The following KCNH7 variants were observed in gnomAD, a reference collection of about 807,000 sequenced individuals.
The protein encoded by KCNH7 is potassium voltage-gated channel subfamily H member 7, also known as voltage-gated inwardly rectifying potassium channel KCNH7.
A neutral mutation model predicts 120.8 loss-of-function variants in KCNH7; 49 were observed. The ratio of observed to expected loss-of-function variants is 0.41; its 90% CI spans 0.32 to 0.51. The LOEUF is 0.51. Ranked by LOEUF, KCNH7 falls within the 20% of genes least tolerant of loss-of-function variation. The pLI, the probability that KCNH7 is intolerant of heterozygous loss-of-function variation, is 0.38. For synonymous variants in KCNH7, 547 were observed against 516.1 expected (o/e 1.06, Z -0.81); for missense variants, 1,097 against 1,446.6 (o/e 0.76, Z 3.92).
chr2:162,372,078 G>A lies in KCNH7; in HGVS notation c.3342C>T (p.Asp1114=), dbSNP rs1267937100. Residue 1114 remains aspartate, a synonymous_variant, in exon 16 of 16, where the codon GAC becomes GAT. Coordinates refer to ENST00000332142, the MANE Select transcript of KCNH7 (RefSeq NM_033272.4). ...TGGATTTAAGTTTAGATTTTTCAAG[G>A]TCTAGAAATTCAGGACACTGATGGA... ...SPSSQCPEFL[D]LEKSKLKSKE... 1.7e-5 allele frequency: 27 copies of A among 1,611,370 alleles called. No homozygotes were observed. The highest frequency in any genetic ancestry group is 2.2e-5 in the Non-Finnish European group (26 of 1,178,058).
chr2:162,472,965 G>T (rs548144528), intron 6 of KCNH7, among the ~76,000 whole-genome samples: 4 of 151,968 alleles, frequency 2.6e-5, no homozygotes, highest in Non-Finnish European at 5.9e-5. Flanking sequence ...GCAAAGTATC[G>T]CAAGGACAAA....
At chr2:162,634,841 T>C (rs1327323835) in intron 2 of KCNH7, among the ~76,000 whole-genome samples, 1 of 152,062 alleles carries the variant, frequency 6.6e-6, no homozygotes, top group Non-Finnish European at 1.5e-5. Context: ...GGTTTCTTGA[T>C]GAAAGATGAC....
At chr2:162,728,757 A>G (rs1003182269) in intron 2 of KCNH7, among the ~76,000 whole-genome samples, 1 of 152,314 alleles carries the variant, frequency 6.6e-6, no homozygotes, top group South Asian at 2.1e-4. Context: ...CAGCCTGGGC[A>G]ACAAGAGTGA....
intron 2 of KCNH7, among the ~76,000 whole-genome samples, chr2:162,690,625 T>C (rs1233461720): frequency 6.6e-6 from 1 of 152,272 alleles, no homozygotes; most frequent in East Asian, 1.9e-4. Flanking sequence ...AGCATTACTA[T>C]CTTATTTACA....
chr2:162,518,162 T>C lies in KCNH7; in HGVS notation c.464-4A>G. ...AATTTGAACCCAAAAAATTTCCCTATAAATGGAGACAGGAGAGAGCATTAT... is the reference window on the plus strand; with the variant it reads ...AATTTGAACCCAAAAAATTTCCCTACAAATGGAGACAGGAGAGAGCATTAT... On this transcript the variant is annotated splice_polypyrimidine_tract_variant and splice_region_variant and intron_variant, in intron 3 of 15. Coordinates refer to ENST00000332142, the MANE Select transcript of KCNH7 (RefSeq NM_033272.4). The C allele has an allele frequency of 6.2e-7, 1 of 1,604,206 alleles. No individual in the cohort carries two copies. The highest frequency in any genetic ancestry group is 1.3e-5 in the African/African-American group (1 of 74,480).
At chr2:162,804,860 G>C (rs1684484391) in intron 2 of KCNH7, among the ~76,000 whole-genome samples, 2 of 150,526 alleles carry the variant, frequency 1.3e-5, no homozygotes, top group Admixed American at 1.3e-4. Flanking sequence ...TATACTACAA[G>C]GCCGTATTTA....
chr2:162,398,535 T>G (rs1686981742), intron 10 of KCNH7, among the ~76,000 whole-genome samples: 1 of 151,856 alleles, frequency 6.6e-6, no homozygotes, highest in Middle Eastern at 3.2e-3. Context: ...TTCTTTATAG[T>G]TTTGGTAGCT....
At chr2:162,812,075 CAT>C (rs1205196343) in intron 2 of KCNH7, among the ~76,000 whole-genome samples, 9 of 152,036 alleles carry the variant, frequency 5.9e-5, no homozygotes, top group Non-Finnish European at 1.3e-4. Flanking sequence ...TGTGTGAGCA[CAT>C]GTGCACACAC....
At chr2:162,477,707 A>C (rs1689792752) in intron 6 of KCNH7, among the ~76,000 whole-genome samples, 2 of 152,198 alleles carry the variant, frequency 1.3e-5, no homozygotes, top group Non-Finnish European at 2.9e-5. Context: ...CCCCTCTTAA[A>C]AGCCAAATGC....
chr2:162,833,226 T>C (rs1255812499), intron 2 of KCNH7, among the ~76,000 whole-genome samples: 1 of 152,110 alleles, frequency 6.6e-6, no homozygotes, highest in Non-Finnish European at 1.5e-5. Context: ...GCTAGCTCTC[T>C]TCCGTGATGT....
At chr2:162,838,339 G>C in intron 1 of KCNH7, 104 bp downstream of exon 1, 2 of 891,158 alleles carry the variant, frequency 2.2e-6, no homozygotes, top group Non-Finnish European at 3.7e-6. Context: ...CTCTTAAGTT[G>C]ACAGAGCCTG....
In KCNH7 at chr2:162,616,500, T is replaced by C. The variant is rs1397616125; in HGVS notation, c.308-79420A>G. Reference sequence around the variant, plus strand: ...CTTTGGCCAAGTATCACTTTTAACTTTCTGGGTCTTTGTTCCTCATCTGTA... The same window carrying C: ...CTTTGGCCAAGTATCACTTTTAACTCTCTGGGTCTTTGTTCCTCATCTGTA... On this transcript the variant is annotated intron_variant, in intron 2 of 15. Transcript: ENST00000332142. Among the ~76,000 whole-genome samples, 3 of 152,204 alleles carry C rather than the reference T, an allele frequency of 2.0e-5. No individual in the cohort carries two copies. In the East Asian group the frequency reaches 5.8e-4, roughly 29 times the overall value.
intron 2 of KCNH7, among the ~76,000 whole-genome samples, chr2:162,765,067 G>A (rs1682734003): frequency 6.6e-6 from 1 of 152,108 alleles, no homozygotes; most frequent in East Asian, 1.9e-4. Context: ...CAGGAGAAGG[G>A]TAAGGAAGGA....
Position 162,679,965 on chromosome 2 carries a change from T to C in KCNH7, c.308-142885A>G, listed in dbSNP as rs559076564. The stretch of plus-strand genomic sequence containing the variant: ...TTATAAAAGTGGAACACACGCCATA[T>C]TTAAATCTGCTGCAGAAACTAAATC... On this transcript the variant is annotated intron_variant, in intron 2 of 15. Coordinates refer to ENST00000332142, the MANE Select transcript of KCNH7 (RefSeq NM_033272.4). Among the ~76,000 whole-genome samples the C allele has an allele frequency of 7.9e-4, 120 of 151,920 alleles. 1 individual carries two copies. Among genetic ancestry groups the C allele is most frequent in the Middle Eastern group, 3.4e-3 (1 of 294 alleles).
intron 2 of KCNH7, among the ~76,000 whole-genome samples, chr2:162,568,744 TA>T (rs1220034118): frequency 2.6e-5 from 4 of 151,994 alleles, no homozygotes; most frequent in African/African-American, 9.7e-5. Flanking sequence ...GCTAGAGGTC[TA>T]GCAAAAAGAA....
intron 2 of KCNH7, among the ~76,000 whole-genome samples, chr2:162,711,282 G>T (rs1366264462): frequency 6.6e-6 from 1 of 152,184 alleles, no homozygotes; most frequent in Non-Finnish European, 1.5e-5. Context: ...GATTTTGAAA[G>T]GTACTGTATT....
At position 162,775,031 on chromosome 2, in the gene KCNH7, A is replaced by T. The variant is rs569548361; in HGVS notation, c.307+61506T>A. 2.6e-5 allele frequency among the ~76,000 whole-genome samples: 4 copies of T among 152,286 alleles called. No homozygotes were observed. In the South Asian group the frequency reaches 8.3e-4, roughly 32 times the overall value. ...GCAGCATTGTACACAAATTTATGTG[A>T]CCCTTGAAATAATTTTTTTGAATAT... is the stretch of plus-strand genomic sequence containing the variant. On this transcript the variant is annotated intron_variant, in intron 2 of 15. Transcript: ENST00000332142.
At chr2:162,768,785 C>T (rs1164650340) in intron 2 of KCNH7, among the ~76,000 whole-genome samples, 6 of 137,320 alleles carry the variant, frequency 4.4e-5, no homozygotes, top group Admixed American at 2.9e-4. Flanking sequence ...CATGTCGAAT[C>T]GCCAAGTATC....
intron 2 of KCNH7, among the ~76,000 whole-genome samples, chr2:162,553,353 T>C (rs1426625283): frequency 1.3e-5 from 2 of 152,196 alleles, no homozygotes; most frequent in Non-Finnish European, 2.9e-5. Context: ...CTGTAGACAT[T>C]AGCATAACAT....
Sources: gnomAD v4.1 joint callset for allele counts (sites outside exome capture counted in the v4.1 genomes callset) on GRCh38, gnomAD v4.1.1 for gene constraint, MANE v1.5 for transcripts, NCBI Gene and HGNC (gene_info 2026-07-23, HGNC 2026-07-21) for gene names.